The following GLRA2 variants were observed in gnomAD, a reference collection of about 807,000 sequenced individuals.
The protein encoded by GLRA2 is glycine receptor alpha 2.
A neutral mutation model predicts 31.6 loss-of-function variants in GLRA2; 11 were observed. The observed-to-expected ratio is 0.35, with a 90% CI of 0.22 to 0.58. The LOEUF (loss-of-function observed/expected upper bound fraction) is 0.58. Among genes scored for constraint, GLRA2 ranks in the 20% least tolerant of loss-of-function variants. GLRA2 has a pLI of 0.84. For synonymous variants in GLRA2, 132 were observed against 134.0 expected (o/e 0.99, Z 0.10); for missense variants, 212 against 351.8 (o/e 0.60, Z 3.18).
chrX:14,561,265 A>C (rs2089730281), intron 2 of GLRA2, among the ~76,000 whole-genome samples: 1 of 112,305 alleles, frequency 8.9e-6, no homozygotes, highest in African/African-American at 3.2e-5. Flanking sequence ...ATAGTCCTAC[A>C]GGCAGTCCCT....
Position 14,584,208 on chromosome X carries a change from G to A in GLRA2, c.494+2802G>A, listed in dbSNP as rs143657121. On this transcript the variant is annotated intron_variant, in intron 4 of 8. Coordinates refer to ENST00000218075, the MANE Select transcript of GLRA2 (RefSeq NM_002063.4). The stretch of plus-strand genomic sequence containing the variant: ...ATGTATCCCTGAACCTAAAATCAGC[G>A]TTTAGAAAAATTAATGTTCCTTTTC... Among the ~76,000 whole-genome samples the A allele has an allele frequency of 1.0e-3, 112 of 111,609 alleles. 1 individual carries two copies. In the East Asian group the frequency reaches 0.027, roughly 27 times the overall value.
chrX:14,687,862 A>C (rs2091297012), intron 7 of GLRA2, among the ~76,000 whole-genome samples: 1 of 111,957 alleles, frequency 8.9e-6, no homozygotes, highest in Admixed American at 9.4e-5. Context: ...ATTCCTTTGG[A>C]GGGGGAGAGG....
chrX:14,449,369 A>G, the GLRA2 span, among the ~76,000 whole-genome samples: 3 of 112,106 alleles, frequency 2.7e-5, no homozygotes, highest in African/African-American at 9.7e-5. Context: ...TAGACATTTG[A>G]GTTTGCAAGG....
the GLRA2 span, among the ~76,000 whole-genome samples, chrX:14,471,809 C>T: frequency 8.0e-5 from 9 of 111,962 alleles, no homozygotes; most frequent in African/African-American, 2.6e-4. Context: ...TCCCCAGAAT[C>T]GGACAACCTG....
chrX:14,611,631 A>G (rs994019156), intron 7 of GLRA2, among the ~76,000 whole-genome samples: 10 of 112,428 alleles, frequency 8.9e-5, no homozygotes, highest in Admixed American at 2.8e-4. Flanking sequence ...AAAACTTTCA[A>G]TGAGAAAAAA....
chrX:14,449,721 C>T, the GLRA2 span, among the ~76,000 whole-genome samples: 230 of 112,400 alleles, frequency 2.0e-3, no homozygotes, highest in African/African-American at 7.1e-3. Context: ...CCCCAGCCCC[C>T]ATCCTGTCAG....
intron 7 of GLRA2, among the ~76,000 whole-genome samples, chrX:14,649,162 C>T (rs1199255799): frequency 7.3e-5 from 8 of 109,432 alleles, no homozygotes; most frequent in Non-Finnish European, 1.3e-4. Flanking sequence ...TGCAGTGAGC[C>T]GAGATCGCGC....
At chrX:14,596,764 C>T (rs1378027129) in intron 4 of GLRA2, among the ~76,000 whole-genome samples, 3 of 111,562 alleles carry the variant, frequency 2.7e-5, no homozygotes, top group Non-Finnish European at 5.6e-5. Context: ...TCAAAGTCAT[C>T]CCTCGGGATA....
the GLRA2 span, among the ~76,000 whole-genome samples, chrX:14,507,343 A>C: frequency 8.9e-6 from 1 of 112,302 alleles, no homozygotes; most frequent in East Asian, 2.8e-4. Context: ...TCACTTTTTT[A>C]GCCGTTAAGT....
intron 8 of GLRA2, among the ~76,000 whole-genome samples, chrX:14,707,461 T>C: frequency 9.0e-6 from 1 of 111,421 alleles, no homozygotes; most frequent in Non-Finnish European, 1.9e-5. Context: ...TCCTTTCGCC[T>C]GCTTTTTGAC....
At chrX:14,560,103 C>G (rs1727956892) in intron 2 of GLRA2, among the ~76,000 whole-genome samples, 1 of 112,027 alleles carries the variant, frequency 8.9e-6, no homozygotes, top group Admixed American at 9.4e-5. Flanking sequence ...TATTTTCCCC[C>G]TTTGTCTATT....
chrX:14,684,201 C>A (rs1251332471), intron 7 of GLRA2, among the ~76,000 whole-genome samples: 1 of 111,229 alleles, frequency 9.0e-6, no homozygotes, highest in South Asian at 3.8e-4. Flanking sequence ...CAGTACCATG[C>A]TGTTTTGGTT....
At chrX:14,476,504 G>A in the GLRA2 span, among the ~76,000 whole-genome samples, 1 of 111,627 alleles carries the variant, frequency 9.0e-6, no homozygotes, top group Non-Finnish European at 1.9e-5. Context: ...GCCTAGCGGT[G>A]CTGTTTGTTC....
the GLRA2 span, among the ~76,000 whole-genome samples, chrX:14,451,974 G>A: frequency 8.1e-5 from 9 of 111,427 alleles, no homozygotes; most frequent in African/African-American, 2.0e-4. Context: ...GAGCCCAGAC[G>A]AGATAAGTGA....
intron 7 of GLRA2, among the ~76,000 whole-genome samples, chrX:14,677,944 A>G (rs1222752611): frequency 1.8e-5 from 2 of 111,968 alleles, no homozygotes; most frequent in African/African-American, 6.5e-5. Flanking sequence ...TTTCGACTGG[A>G]TAAGTCTTTG....
At chrX:14,453,669 C>T in the GLRA2 span, among the ~76,000 whole-genome samples, 1 of 111,809 alleles carries the variant, frequency 8.9e-6, no homozygotes, top group African/African-American at 3.3e-5. Context: ...TATCACACAG[C>T]AGTTGCACTC....
At chrX:14,576,983 G>A (rs1176066394) in intron 3 of GLRA2, among the ~76,000 whole-genome samples, 1 of 112,764 alleles carries the variant, frequency 8.9e-6, no homozygotes, top group East Asian at 2.8e-4. Flanking sequence ...TGGCTTTGGT[G>A]CAAAACTACA....
At chrX:14,570,627 A>T (rs937115453) in intron 2 of GLRA2, among the ~76,000 whole-genome samples, 2 of 111,670 alleles carry the variant, frequency 1.8e-5, no homozygotes. Context: ...GTAGCAGGGG[A>T]TATAATAGTA....
the GLRA2 span, among the ~76,000 whole-genome samples, chrX:14,484,253 T>C: frequency 8.9e-6 from 1 of 112,140 alleles, no homozygotes; most frequent in African/African-American, 3.2e-5. Flanking sequence ...GTCATGTTGA[T>C]ATAAAAATAG....
Sources: gnomAD v4.1 joint callset for allele counts (sites outside exome capture counted in the v4.1 genomes callset) on GRCh38, gnomAD v4.1.1 for gene constraint, MANE v1.5 for transcripts, NCBI Gene and HGNC (gene_info 2026-07-23, HGNC 2026-07-21) for gene names.